The following WDR77 variants were observed in gnomAD, a reference collection of about 807,000 sequenced individuals.
WDR77 encodes the protein WD repeat domain 77.
Under a neutral mutation model 44.0 loss-of-function variants are expected in WDR77, and 31 were observed. The observed-to-expected ratio is 0.70, with a 90% confidence interval of 0.53 to 0.95. WDR77 has a LOEUF of 0.95. Ranked by LOEUF, WDR77 falls within the 40% of genes least tolerant of loss-of-function variation. The pLI, the probability that WDR77 is intolerant of heterozygous loss-of-function variation, is 0.00. For synonymous variants in WDR77, 186 were observed against 165.7 expected, an observed-to-expected ratio of 1.12 and a Z score of -0.94; for missense variants, 390 against 423.9, an observed-to-expected ratio of 0.92 and a Z score of 0.70.
intron 4 of WDR77, among the ~76,000 whole-genome samples, chr1:111,446,184 G>C (rs1291978690): frequency 6.6e-6 from 1 of 152,192 alleles, no homozygotes; most frequent in African/African-American, 2.4e-5. Context: ...CATGTACTTT[G>C]AAGTTAGAAA....
Position 111,440,110 on chromosome 1 carries a change from C to A in WDR77, c.*1120G>T, listed in dbSNP as rs903303503. ...GACTCCTAACTGGCAATATCCACTC[C>A]ACCAACCCAAGAATAAATATTTACC... On this transcript the variant is annotated 3_prime_UTR_variant, in exon 10 of 10. Coordinates refer to ENST00000235090, the MANE Select transcript of WDR77 (RefSeq NM_024102.4). 2 of 152,494 alleles carry A rather than the reference C, an allele frequency of 1.3e-5. No homozygotes were observed. The highest frequency in any genetic ancestry group is 4.8e-5 in the African/African-American group (2 of 41,426). The allele number at this position is 152,494 out of a possible 1,614,324, so 9.4% of individuals were successfully genotyped here.
At chr1:111,448,584 C>CGGGGGT in intron 2 of WDR77, 35 bp downstream of exon 2, 1 of 1,613,586 alleles carries the variant, frequency 6.2e-7, no homozygotes, top group Non-Finnish European at 8.5e-7. Context: ...CCGTTCCACC[C>CGGGGGT]GGGGGTGGGG....
At chr1:111,442,630 C>G (rs1453075051) in intron 8 of WDR77, 23 bp downstream of exon 8, 1 of 1,485,866 alleles carries the variant, frequency 6.7e-7, no homozygotes, top group Admixed American at 2.0e-5. Context: ...ACCCATCAGG[C>G]CCCTGATGAC....
In WDR77 at chr1:111,448,748, G is replaced by A. The variant is rs748245680; in HGVS notation, c.172C>T (p.Leu58Phe). 3 of 1,611,768 alleles carry A rather than the reference G, an allele frequency of 1.9e-6. No individual in the cohort carries two copies. Among genetic ancestry groups the A allele is most frequent in the African/African-American group, 2.7e-5 (2 of 74,942 alleles). ...GCACAGGGGTCCTTAAAAAGCCAGA[G>A]GGAGCCGGCCCAGCAGCGCCCACTC... Reference protein sequence around the residue: ...SLSGRCWAGSLWLFKDPCAAP... With the variant: ...SLSGRCWAGSFWLFKDPCAAP... Residue 58 changes from leucine to phenylalanine, a missense_variant, in exon 2 of 10, where the codon CTC becomes TTC. Coordinates refer to ENST00000235090, the MANE Select transcript of WDR77 (RefSeq NM_024102.4).
intron 3 of WDR77, 129 bp downstream of exon 3, chr1:111,447,305 CT>C: frequency 6.7e-7 from 1 of 1,499,196 alleles, no homozygotes. Context: ...CTAAGGAAAC[CT>C]TATAGACATG....
Position 111,444,062 on chromosome 1 carries a change from A to T in WDR77, c.556T>A (p.Cys186Ser). 1 of 1,614,200 alleles carries T rather than the reference A, an allele frequency of 6.2e-7. No homozygotes were observed. ...SPHKDSVFLSCSEDNRILLWD... is the reference protein window; with the variant it reads ...SPHKDSVFLSSSEDNRILLWD... Reference sequence around the variant, plus strand: ...AAGGAGCTATCTCTTACCTCGCTGCATGAAAGAAACACAGAGTCCTTGTGA... The same window carrying T: ...AAGGAGCTATCTCTTACCTCGCTGCTTGAAAGAAACACAGAGTCCTTGTGA... Residue 186 changes from cysteine to serine, a missense_variant, in exon 5 of 10, where the codon TGC becomes AGC. Cys to Ser is a moderately radical substitution (Grantham distance 112). Coordinates refer to ENST00000235090, the MANE Select transcript of WDR77 (RefSeq NM_024102.4).
At chr1:111,445,830 G>A (rs1049555597) in intron 4 of WDR77, among the ~76,000 whole-genome samples, 3 of 151,830 alleles carry the variant, frequency 2.0e-5, no homozygotes, top group African/African-American at 4.8e-5. Flanking sequence ...GTGCAGTGGC[G>A]TGATCTCGAC....
In WDR77 at chr1:111,449,146, G is replaced by A. The variant is rs11548427; in HGVS notation, c.24C>T (p.Pro8=). The part of the protein sequence containing the change: MRKETPP[P]LVPPAAREWN... ...ACTCCCGGGCCGCCGGGGGCACTAG[G>A]GGGGGTGGGGTTTCCTTCCGCATCT... is the stretch of plus-strand genomic sequence containing the variant. Residue 8 remains proline (P), a synonymous_variant, in exon 1 of 10, where the codon CCC becomes CCT. Transcript: ENST00000235090. 0.056 allele frequency: 88,357 copies of A among 1,591,102 alleles called. 3,584 individuals carry two copies. Among genetic ancestry groups the A allele is most frequent in the East Asian group, 0.19 (8,534 of 44,468 alleles).
chr1:111,448,909 C>A, intron 1 of WDR77, 105 bp from the exon 2 acceptor site: 7 of 1,535,424 alleles, frequency 4.6e-6, no homozygotes, highest in Non-Finnish European at 5.2e-6. Context: ...AGCTCAGGAA[C>A]GCGGGGCAGG....
chr1:111,448,440 G>C (rs1468034925), intron 2 of WDR77, among the ~76,000 whole-genome samples, 179 bp downstream of exon 2: 1 of 152,180 alleles, frequency 6.6e-6, no homozygotes, highest in South Asian at 2.1e-4. Flanking sequence ...AGACAATTTA[G>C]AATTTTAGAA....
rs1051627208 is a variant in WDR77, at chr1:111,443,387, A to G, written c.627T>C (p.Ser209=). 9 of 1,552,242 alleles carry G rather than the reference A, an allele frequency of 5.8e-6. No homozygotes were observed. Among genetic ancestry groups the G allele is most frequent in the Non-Finnish European group, 6.1e-6 (7 of 1,147,300 alleles). ...CPKPASQIGC[S]APGYLPTSLA... ...GCGAGGTAGGAAGGTAGCCAGGCGC[A>G]CTGCAGCCTGCAAAGGAGAGACGAG... Residue 209 remains serine (S), a synonymous_variant, in exon 7 of 10, where the codon AGT becomes AGC. Transcript: ENST00000235090.
chr1:111,447,305 C>A, intron 3 of WDR77, 130 bp downstream of exon 3: 1 of 1,499,196 alleles, frequency 6.7e-7, no homozygotes, highest in Non-Finnish European at 9.1e-7. Context: ...CTAAGGAAAC[C>A]TTATAGACAT....
In WDR77 at chr1:111,441,330, T is replaced by C. The variant is rs779840040; in HGVS notation, c.929A>G (p.His310Arg). 6.3e-7 allele frequency: 1 copy of C among 1,577,552 alleles called. No homozygotes were observed. Among genetic ancestry groups the C allele is most frequent in the South Asian group, 1.2e-5 (1 of 86,620 alleles). The change falls in exon 10 of 10, where the codon CAC becomes CGC. Residue 310 changes from histidine to arginine, a missense_variant. Transcript: ENST00000235090. ...CCAGCCCACTGTGGTAAGCAGGGAG[T>C]GATTGAGCGGGGACCAAGTCGCATC... is the stretch of plus-strand genomic sequence containing the variant. ...VRDATWSPLN[H>R]SLLTTVGWDH...
chr1:111,448,637 G>C lies in WDR77; in HGVS notation c.283C>G (p.Leu95Val), dbSNP rs781419170. The C allele has an allele frequency of 1.2e-6, 2 of 1,614,154 alleles. No individual in the cohort carries two copies. The highest frequency in any genetic ancestry group is 2.2e-5 in the South Asian group (2 of 91,076). The change falls in exon 2 of 10, where the codon CTA (leucine) becomes GTA (valine). Residue 95 changes from leucine to valine, a missense_variant. Physicochemically the swap from Leu to Val is conservative, Grantham distance 32 (BLOSUM62 1). Coordinates refer to ENST00000235090, the MANE Select transcript of WDR77 (RefSeq NM_024102.4). ...DLTWVGERGI[L>V]VASDSGAVEL... ...GACTCACCTGAATCGGAGGCCACTA[G>C]AATACCTCTCTCCCCAACCCAAGTG... is the stretch of plus-strand genomic sequence containing the variant.
intron 9 of WDR77, among the ~76,000 whole-genome samples, chr1:111,441,813 T>A (rs1157101792): frequency 2.0e-5 from 3 of 152,068 alleles, no homozygotes; most frequent in Non-Finnish European, 4.4e-5. Context: ...ACCACCCCCC[T>A]CTACCAAGGA....
intron 4 of WDR77, 98 bp from the exon 5 acceptor site, chr1:111,444,222 G>T: frequency 1.0e-5 from 9 of 892,826 alleles, no homozygotes; most frequent in Admixed American, 6.2e-5. Flanking sequence ...GGGAGGGAGG[G>T]CTGGTCTCAT....
In WDR77 at chr1:111,441,312, A is replaced by T; in HGVS notation, c.947T>A (p.Val316Glu). ...GTGGACGACCTGATGGTCCCAGCCC[A>T]CTGTGGTAAGCAGGGAGTGATTGAG... ...SPLNHSLLTT[V>E]GWDHQVVHHV... Residue 316 changes from valine to glutamate, a missense_variant, in exon 10 of 10, where the codon GTG becomes GAG. By Grantham distance (121) the Val-to-Glu change is moderately radical. Transcript: ENST00000235090. The T allele has an allele frequency of 6.3e-7, 1 of 1,587,426 alleles. No individual in the cohort carries two copies. The highest frequency in any genetic ancestry group is 8.6e-7 in the Non-Finnish European group (1 of 1,164,772).
chr1:111,448,317 A>G (rs1653138865), intron 2 of WDR77, among the ~76,000 whole-genome samples: 1 of 152,242 alleles, frequency 6.6e-6, no homozygotes, highest in Non-Finnish European at 1.5e-5. Flanking sequence ...TCATCTTAAA[A>G]TCAAGATTAT....
chr1:111,447,177 T>A (rs1471841498), intron 3 of WDR77, 33 bp from the exon 4 acceptor site: 2 of 1,611,624 alleles, frequency 1.2e-6, no homozygotes, highest in Admixed American at 3.4e-5. Flanking sequence ...CATTTAATCT[T>A]GACCTACACT....
Sources: gnomAD v4.1 joint callset for allele counts (sites outside exome capture counted in the v4.1 genomes callset) on GRCh38, gnomAD v4.1.1 for gene constraint, MANE v1.5 for transcripts, NCBI Gene and HGNC (gene_info 2026-07-23, HGNC 2026-07-21) for gene names.